Variants in GSE1 observed in about 807,000 individuals in gnomAD.
GSE1 encodes the protein genetic suppressor element 1.
In GSE1, 32 loss-of-function variants were observed where a neutral mutation model predicts 112.6. The ratio of observed to expected loss-of-function variants is 0.28; its 90% CI spans 0.21 to 0.38. The LOEUF is 0.38. GSE1 is among the 10% of genes least tolerant of loss of function. GSE1 has a pLI of 1.00. For missense variants in GSE1, 2,348 were observed against 1,699.2 expected, an observed-to-expected ratio of 1.38 and a Z score of -6.71; for synonymous variants, 1,115 against 735.6, an observed-to-expected ratio of 1.52 and a Z score of -8.35.
chr16:85,187,478 C>G (rs934035792), intron 1 of GSE1, among the ~76,000 whole-genome samples: 1 of 152,248 alleles, frequency 6.6e-6, no homozygotes, highest in South Asian at 2.1e-4. Flanking sequence ...TTTCCCGTGA[C>G]GAAGCCCATT....
Position 85,476,119 on chromosome 16 carries a change from A to C in GSE1, c.2464+118476A>C, listed in dbSNP as rs1231044048. ...CTAATTTTTAAAATTTTTTGTAGAG[A>C]CGGGATTTCGCCATGTTGCCTAGGC... On this transcript the variant is annotated intron_variant, in intron 2 of 2. Transcript: ENST00000637419. Among the ~76,000 whole-genome samples the C allele has an allele frequency of 2.6e-5, 4 of 152,036 alleles. No homozygotes were observed. The East Asian group carries it at 7.7e-4, about 29-fold the overall frequency.
At chr16:85,555,081 A>G, upstream of GSE1, 1 of 985,316 alleles carries the variant, frequency 1.0e-6, no homozygotes, top group Non-Finnish European at 1.2e-6. Context: ...AGCTGTTGGA[A>G]GATGCCGCGT....
chr16:85,205,307 T>G (rs2075096407), intron 1 of GSE1, among the ~76,000 whole-genome samples: 1 of 152,076 alleles, frequency 6.6e-6, no homozygotes, highest in African/African-American at 2.4e-5. Flanking sequence ...AATTTTTGTA[T>G]TTTTGGTAGA....
intron 1 of GSE1, among the ~76,000 whole-genome samples, chr16:85,255,501 T>C (rs1445169946): frequency 6.7e-6 from 1 of 150,348 alleles, no homozygotes; most frequent in Non-Finnish European, 1.5e-5. Context: ...AACTTTTGCC[T>C]CCCGGGTTCA....
intron 1 of GSE1, among the ~76,000 whole-genome samples, chr16:85,213,746 T>G (rs1597814215): frequency 1.3e-5 from 2 of 152,218 alleles, no homozygotes; most frequent in African/African-American, 4.8e-5. Context: ...GACCTTGAAC[T>G]GAGCTCAGGC....
chr16:85,437,192 C>T (rs1163976284), intron 2 of GSE1, among the ~76,000 whole-genome samples: 1 of 152,160 alleles, frequency 6.6e-6, no homozygotes, highest in Non-Finnish European at 1.5e-5. Flanking sequence ...ATCTCCCTCC[C>T]TGCGGACGCC....
intron 1 of GSE1, among the ~76,000 whole-genome samples, chr16:85,287,975 C>G (rs927902097): frequency 6.6e-6 from 1 of 152,218 alleles, no homozygotes; most frequent in Non-Finnish European, 1.5e-5. Context: ...CACGGTGGCT[C>G]ACGCCTGTAA....
rs146134218 is a variant in GSE1 at position 85,672,617 on chromosome 16, C to T, written c.*78C>T. On this transcript the variant is annotated 3_prime_UTR_variant, in exon 16 of 16. Transcript: ENST00000253458. ...ATTACCTTGAATATTTAATATTTTT[C>T]ACTGGGAGGTTTGAAGCTTACAAAA... 1,984 of 1,030,758 alleles carry T rather than the reference C, an allele frequency of 1.9e-3. 31 individuals carry two copies. The African/African-American group carries it at 0.029, about 15-fold the overall frequency. 63.9% of individuals were successfully genotyped at this position (1,030,758 alleles called of 1,614,324 possible). A position where few individuals can be genotyped will look rare whatever the true frequency, so the allele number is the denominator to read the frequency against.
At position 85,674,401 on chromosome 16, in the gene GSE1, G is replaced by C. The variant is rs557390679; in HGVS notation, c.*1862G>C. On this transcript the variant is annotated 3_prime_UTR_variant, in exon 16 of 16. Transcript: ENST00000253458. Reference sequence around the variant, plus strand: ...CCTCTCCACAGAAGCAGCTGGAAGAGAACTCGAGGGGCTGTGCTGCAGGCC... The same window carrying C: ...CCTCTCCACAGAAGCAGCTGGAAGACAACTCGAGGGGCTGTGCTGCAGGCC... 2.0e-5 allele frequency: 3 copies of C among 152,298 alleles called. No individual in the cohort carries two copies. Among genetic ancestry groups the C allele is most frequent in the African/African-American group, 7.2e-5 (3 of 41,524 alleles). The allele number at this position is 152,298 out of a possible 1,614,324, so 9.4% of individuals were successfully genotyped here.
At chr16:85,672,305 C>A in intron 15 of GSE1, 100 bp from the exon 16 acceptor site, 2 of 889,710 alleles carry the variant, frequency 2.2e-6, no homozygotes, top group Non-Finnish European at 3.6e-6. Context: ...GGGACATTTT[C>A]AAATGTAGGT....
chr16:85,223,097 C>T (rs980121152), intron 1 of GSE1, among the ~76,000 whole-genome samples: 2 of 152,150 alleles, frequency 1.3e-5, no homozygotes, highest in African/African-American at 4.8e-5. Context: ...TCAAGGCTGC[C>T]ATACCCATTT....
rs147655735 is a variant in GSE1 at position 85,498,203 on chromosome 16, C to T, written c.2465-135711C>T. 4.6e-3 allele frequency among the ~76,000 whole-genome samples: 698 copies of T among 152,272 alleles called. 8 individuals carry two copies. Among genetic ancestry groups the T allele is most frequent in the Admixed American group, 0.032 (493 of 15,296 alleles). On this transcript the variant is annotated intron_variant, in intron 2 of 2. Coordinates refer to the GSE1 transcript ENST00000637419. ...GCTGCGATTCCTCTCCTGGGATCCT[C>T]CCAGCCTGTGCCCATCCTTCCACGG...
intron 2 of GSE1, among the ~76,000 whole-genome samples, chr16:85,382,135 C>G (rs2047560930): frequency 6.6e-6 from 1 of 152,232 alleles, no homozygotes; most frequent in Admixed American, 6.5e-5. Context: ...CAGTCACCCC[C>G]ACGCAATGTG....
chr16:85,466,408 C>T (rs1241982381), intron 2 of GSE1, among the ~76,000 whole-genome samples: 2 of 152,212 alleles, frequency 1.3e-5, no homozygotes, highest in Non-Finnish European at 2.9e-5. Flanking sequence ...TGGCTGCCAG[C>T]GCCCGTGGGC....
chr16:85,173,821 C>G (rs1473068230), intron 1 of GSE1, among the ~76,000 whole-genome samples: 2 of 152,172 alleles, frequency 1.3e-5, no homozygotes, highest in Non-Finnish European at 2.9e-5. Flanking sequence ...GACGGGAACG[C>G]AGGCTGGTGT....
At chr16:85,654,234 C>T (rs747812710) in intron 3 of GSE1, 44 bp from the exon 4 acceptor site, 16 of 1,546,268 alleles carry the variant, frequency 1.0e-5, no homozygotes, top group African/African-American at 2.7e-5. Flanking sequence ...TGGTCAGTGG[C>T]CTATACCAGG....
chr16:85,331,517 GTGTA>G (rs2046357377), intron 1 of GSE1, among the ~76,000 whole-genome samples: 1 of 110,922 alleles, frequency 9.0e-6, no homozygotes, highest in Non-Finnish European at 1.9e-5. Flanking sequence ...ATGTATATAT[GTGTA>G]TATATGTGTA....
At chr16:85,555,388 CA>C (rs1167586621), upstream of GSE1, 1 of 916,750 alleles carries the variant, frequency 1.1e-6, no homozygotes, top group Non-Finnish European at 1.3e-6. Flanking sequence ...GGGAGATAAC[CA>C]AAAAAGGGGG....
intron 2 of GSE1, among the ~76,000 whole-genome samples, chr16:85,643,829 C>G (rs1399413186): frequency 6.6e-6 from 1 of 152,136 alleles, no homozygotes; most frequent in East Asian, 1.9e-4. Context: ...CCATTGGCCC[C>G]AACTTTTCCC....
Sources: gnomAD v4.1 joint callset for allele counts (sites outside exome capture counted in the v4.1 genomes callset) on GRCh38, gnomAD v4.1.1 for gene constraint, MANE v1.5 for transcripts, NCBI Gene and HGNC (gene_info 2026-07-23, HGNC 2026-07-21) for gene names.